Variants in OR1J2 observed in about 807,000 individuals in gnomAD.
OR1J2 encodes the protein olfactory receptor family 1 subfamily J member 2.
For synonymous variants in OR1J2, 142 were observed against 99.7 expected (o/e 1.42, Z -2.52); for missense variants, 304 against 246.1 (o/e 1.24, Z -1.57).
chr9:122,526,560 A>G, the OR1J2 span: 1 of 1,613,306 alleles, frequency 6.2e-7, no homozygotes, highest in East Asian at 2.2e-5. Flanking sequence ...CACACAAACA[A>G]CGCAGAGGTG....
the OR1J2 span, among the ~76,000 whole-genome samples, chr9:122,501,301 CAAG>C: frequency 1.4e-4 from 21 of 152,174 alleles, no homozygotes; most frequent in Non-Finnish European, 1.6e-4. Flanking sequence ...TGACAAAATT[CAAG>C]AAGAAGAAGG....
At chr9:122,577,397 C>A in the OR1J2 span, among the ~76,000 whole-genome samples, 5,439 of 152,178 alleles carry the variant, frequency 0.036, 282 homozygotes, top group East Asian at 0.25. Flanking sequence ...ATATGACCTC[C>A]ACATACAAAA....
At chr9:122,525,436 C>A in the OR1J2 span, among the ~76,000 whole-genome samples, 1 of 152,128 alleles carries the variant, frequency 6.6e-6, no homozygotes, top group Non-Finnish European at 1.5e-5. Context: ...TGTAAGAAAT[C>A]AAAACTATAT....
At chr9:122,559,269 T>G in the OR1J2 span, among the ~76,000 whole-genome samples, 88 of 152,234 alleles carry the variant, frequency 5.8e-4, 1 homozygote, top group Middle Eastern at 6.8e-3. Context: ...ATCAACTTTT[T>G]TTGTTGTTGT....
chr9:122,519,804 G>C, the OR1J2 span: 1 of 1,614,056 alleles, frequency 6.2e-7, no homozygotes, highest in Non-Finnish European at 8.5e-7. Flanking sequence ...TGGCCACATT[G>C]GGGTCACCAT....
Position 122,511,687 on chromosome 9 carries a change from G to T in OR1J2, c.886G>T (p.Asp296Tyr), listed in dbSNP as rs367681525. 48 of 781,008 alleles carry T rather than the reference G, an allele frequency of 6.1e-5. No homozygotes were observed. The highest frequency in any genetic ancestry group is 1.5e-4 in the East Asian group (6 of 41,254). The allele number at this position is 781,008 out of a possible 1,614,324, so 48.4% of individuals were successfully genotyped here. Residue 296 changes from aspartate to tyrosine, a missense_variant, in exon 1 of 1, where the codon GAC becomes TAC. By Grantham distance (160) the Asp-to-Tyr change is radical. Transcript: ENST00000335302. ...NPFIYSLRNR[D>Y]MKEALGKLFS... ...CTTTATCTACAGCCTTAGGAACAGG[G>T]ACATGAAAGAGGCCCTTGGGAAACT...
At chr9:122,501,520 A>T in the OR1J2 span, among the ~76,000 whole-genome samples, 17 of 152,224 alleles carry the variant, frequency 1.1e-4, no homozygotes, top group African/African-American at 4.1e-4. Flanking sequence ...GCACATGCTT[A>T]TTCCTACTAT....
the OR1J2 span, among the ~76,000 whole-genome samples, chr9:122,564,178 G>A: frequency 3.3e-5 from 5 of 152,270 alleles, no homozygotes; most frequent in South Asian, 1.0e-3. Flanking sequence ...TCTAGTTAGA[G>A]TAGGCAATTA....
the OR1J2 span, chr9:122,475,887 A>G: frequency 6.6e-6 from 1 of 152,220 alleles, no homozygotes; most frequent in African/African-American, 2.4e-5. Context: ...TTCCTCTTCA[A>G]ACCCACACAG....
At chr9:122,526,561 C>T in the OR1J2 span, 1,509 of 1,613,080 alleles carry the variant, frequency 9.4e-4, 2 homozygotes, top group Middle Eastern at 2.3e-3. Flanking sequence ...ACACAAACAA[C>T]GCAGAGGTGG....
At chr9:122,556,634 T>G in the OR1J2 span, among the ~76,000 whole-genome samples, 1 of 152,074 alleles carries the variant, frequency 6.6e-6, no homozygotes, top group Non-Finnish European at 1.5e-5. Context: ...TGTATACCTA[T>G]GTAACAAACC....
the OR1J2 span, among the ~76,000 whole-genome samples, chr9:122,494,831 G>A: frequency 1.3e-5 from 2 of 152,066 alleles, no homozygotes; most frequent in Non-Finnish European, 2.9e-5. Context: ...TTAAGGATTT[G>A]TTCCAAGATT....
At position 122,511,052 on chromosome 9, in the gene OR1J2, A is replaced by G. The variant is rs747242295; in HGVS notation, c.251A>G (p.Asp84Gly). ...SSVTVPKMLM[D>G]MRTKYKSILY... ...GTCACTGTCCCTAAGATGCTGATGG[A>G]CATGCGGACTAAGTACAAATCGATC... The change falls in exon 1 of 1, where the codon GAC becomes GGC. Residue 84 changes from aspartate to glycine, a missense_variant. Transcript: ENST00000335302. 7 of 1,453,646 alleles carry G rather than the reference A, an allele frequency of 4.8e-6. No homozygotes were observed. Among genetic ancestry groups the G allele is most frequent in the African/African-American group, 1.4e-5 (1 of 71,588 alleles). The allele number at this position is 1,453,646 out of a possible 1,614,324, so 90.0% of individuals were successfully genotyped here.
the OR1J2 span, among the ~76,000 whole-genome samples, chr9:122,529,558 G>A: frequency 3.7e-4 from 57 of 152,294 alleles, no homozygotes; most frequent in African/African-American, 1.3e-3. Flanking sequence ...TTTACCTTCT[G>A]TCGTATTTTT....
the OR1J2 span, among the ~76,000 whole-genome samples, chr9:122,538,961 AGTT>A: frequency 6.6e-6 from 1 of 152,112 alleles, no homozygotes; most frequent in African/African-American, 2.4e-5. Context: ...AGAAGCCCAA[AGTT>A]CAACATTGTG....
chr9:122,484,833 G>T, the OR1J2 span, among the ~76,000 whole-genome samples: 27 of 152,246 alleles, frequency 1.8e-4, no homozygotes, highest in African/African-American at 6.5e-4. Context: ...AGTAGTTTGA[G>T]ACCAGCCTGG....
chr9:122,473,147 G>T, the OR1J2 span, among the ~76,000 whole-genome samples: 2 of 152,004 alleles, frequency 1.3e-5, no homozygotes, highest in African/African-American at 2.4e-5. Context: ...CTGATTGTTG[G>T]ATCTGTCATA....
At position 122,510,887 on chromosome 9, in the gene OR1J2, C is replaced by A. The variant is rs753745594; in HGVS notation, c.86C>A (p.Thr29Asn). The change falls in exon 1 of 1, where the codon ACC (threonine) becomes AAC (asparagine). Residue 29 changes from threonine (T) to asparagine (N), a missense_variant. Thr to Asn is a moderately conservative substitution (Grantham distance 65, BLOSUM62 0). Coordinates refer to ENST00000335302, the MANE Select transcript of OR1J2 (RefSeq NM_054107.1). ...IRPEQQAVFF[T>N]LFLGMYLTTV... The stretch of plus-strand genomic sequence containing the variant: ...CCAGAGCAGCAGGCTGTGTTCTTCA[C>A]CCTGTTCCTGGGCATGTACCTGACC... 6.2e-7 allele frequency: 1 copy of A among 1,611,356 alleles called. No individual in the cohort carries two copies. The highest frequency in any genetic ancestry group is 1.3e-5 in the African/African-American group (1 of 74,986).
chr9:122,497,971 A>G, the OR1J2 span, among the ~76,000 whole-genome samples: 19 of 152,056 alleles, frequency 1.2e-4, no homozygotes, highest in African/African-American at 3.9e-4. Context: ...TTTAACTCTC[A>G]TGTAATTGTG....
Sources: allele counts gnomAD v4.1 joint callset (sites outside exome capture counted in the v4.1 genomes callset), GRCh38; gene constraint gnomAD v4.1.1; transcripts MANE v1.5; gene names NCBI Gene and HGNC (gene_info 2026-07-23, HGNC 2026-07-21).